The following EPB41L4A variants were observed in gnomAD, a reference collection of about 807,000 sequenced individuals.
EPB41L4A encodes the protein band 4.1-like protein 4A.
EPB41L4A carries 100 observed loss-of-function variants against 108.6 expected under a neutral mutation model. The observed-to-expected ratio is 0.92, with a 90% CI of 0.78 to 1.09. EPB41L4A has a LOEUF of 1.09. Ranked by LOEUF, EPB41L4A falls within the 50% of genes least tolerant of loss-of-function variation. The pLI is 0.00. For synonymous variants in EPB41L4A, 319 were observed against 289.0 expected (o/e 1.10, Z -1.05); for missense variants, 1,030 against 842.7 (o/e 1.22, Z -2.75).
At chr5:112,170,270 C>G (rs1199409162) in intron 20 of EPB41L4A, 31 bp downstream of exon 20, 2 of 1,600,990 alleles carry the variant, frequency 1.2e-6, no homozygotes, top group South Asian at 1.1e-5. Flanking sequence ...ACTAATAAAG[C>G]TTTGGTGAGA....
intron 9 of EPB41L4A, among the ~76,000 whole-genome samples, chr5:112,248,511 C>T (rs939530787): frequency 3.9e-5 from 6 of 152,104 alleles, no homozygotes; most frequent in Non-Finnish European, 7.4e-5. Flanking sequence ...ACTTCATAAA[C>T]GAATCAAGAT....
At chr5:112,370,341 T>C (rs1393776591) in intron 1 of EPB41L4A, among the ~76,000 whole-genome samples, 1 of 151,946 alleles carries the variant, frequency 6.6e-6, no homozygotes, top group African/African-American at 2.4e-5. Flanking sequence ...ATGACCAAAT[T>C]ACTCACTTTT....
intron 12 of EPB41L4A, among the ~76,000 whole-genome samples, chr5:112,156,371 A>G (rs1476812114): frequency 6.6e-6 from 1 of 152,208 alleles, no homozygotes. Context: ...CAAGAAGGCC[A>G]GTGGTATAGC....
intron 1 of EPB41L4A, among the ~76,000 whole-genome samples, chr5:112,399,440 C>T (rs990733187): frequency 7.9e-5 from 12 of 152,180 alleles, no homozygotes; most frequent in African/African-American, 2.2e-4. Flanking sequence ...GTGTGTCAGC[C>T]GGCTTCATGG....
intron 18 of EPB41L4A, 72 bp from the exon 19 acceptor site, chr5:112,171,064 A>G: frequency 7.5e-7 from 1 of 1,336,974 alleles, no homozygotes; most frequent in Non-Finnish European, 1.1e-6. Context: ...TAACTTTAAT[A>G]GTTTTCAGAC....
At chr5:112,396,922 T>A (rs1024199731) in intron 1 of EPB41L4A, among the ~76,000 whole-genome samples, 1 of 152,234 alleles carries the variant, frequency 6.6e-6, no homozygotes, top group Admixed American at 6.5e-5. Context: ...ATATGATTTT[T>A]CTTTTCTTTG....
At chr5:112,351,714 T>C (rs573524585) in intron 1 of EPB41L4A, among the ~76,000 whole-genome samples, 6 of 152,164 alleles carry the variant, frequency 3.9e-5, no homozygotes, top group African/African-American at 1.4e-4. Flanking sequence ...TAGGCCTATA[T>C]CCCTGATGAA....
intron 12 of EPB41L4A, chr5:112,228,833 T>A: frequency 1.4e-6 from 1 of 713,998 alleles, no homozygotes; most frequent in Non-Finnish European, 1.7e-6. Flanking sequence ...ATGCTCTGGC[T>A]GCCTGCCCTG....
chr5:112,221,428 G>GT (rs1161716951), intron 12 of EPB41L4A, among the ~76,000 whole-genome samples: 1 of 152,210 alleles, frequency 6.6e-6, no homozygotes, highest in African/African-American at 2.4e-5. Context: ...TTTACCCATT[G>GT]TAAATTGATC....
chr5:112,251,824 G>A (rs369675371), intron 9 of EPB41L4A, among the ~76,000 whole-genome samples: 4 of 152,088 alleles, frequency 2.6e-5, no homozygotes, highest in South Asian at 2.1e-4. Context: ...GATTTCAAAC[G>A]AATACATGAG....
intron 1 of EPB41L4A, among the ~76,000 whole-genome samples, chr5:112,331,527 T>C (rs983035223): frequency 6.6e-6 from 1 of 152,204 alleles, no homozygotes; most frequent in African/African-American, 2.4e-5. Context: ...ACTGATACTT[T>C]GTATATAGCA....
intron 1 of EPB41L4A, among the ~76,000 whole-genome samples, chr5:112,375,056 A>G (rs1193072442): frequency 6.6e-6 from 1 of 152,202 alleles, no homozygotes; most frequent in Non-Finnish European, 1.5e-5. Flanking sequence ...ACCCCAGATC[A>G]GCAGGATCAG....
intron 18 of EPB41L4A, among the ~76,000 whole-genome samples, chr5:112,173,025 A>C (rs957306340): frequency 6.6e-6 from 1 of 152,184 alleles, no homozygotes; most frequent in African/African-American, 2.4e-5. Flanking sequence ...GTCTGTAGAC[A>C]ATGTCCCCTT....
chr5:112,245,504 C>T (rs879118986), intron 9 of EPB41L4A, among the ~76,000 whole-genome samples: 4 of 152,198 alleles, frequency 2.6e-5, no homozygotes, highest in East Asian at 1.9e-4. Flanking sequence ...AGCCAACATG[C>T]ACACATTACA....
At chr5:112,226,980 T>TG (rs1491220383) in intron 12 of EPB41L4A, among the ~76,000 whole-genome samples, 1 of 83,322 alleles carries the variant, frequency 1.2e-5, no homozygotes, top group East Asian at 2.7e-4. Flanking sequence ...TTTACCACAA[T>TG]GAAAAAAAAA....
Position 112,266,306 on chromosome 5 carries a change from C to A in EPB41L4A, c.360G>T (p.Lys120Asn). 6.2e-7 allele frequency: 1 copy of A among 1,606,648 alleles called. No homozygotes were observed. The highest frequency in any genetic ancestry group is 8.5e-7 in the Non-Finnish European group (1 of 1,176,762). Residue 120 changes from lysine to asparagine, a missense_variant, in exon 5 of 23, where the codon AAG (lysine) becomes AAT (asparagine). Physicochemically the swap from Lys to Asn is moderately conservative, Grantham distance 94. Transcript: ENST00000261486. ...ITRYQFFLQV[K>N]QDVLQGRLPC... Reference sequence around the variant, plus strand: ...GCAGACGGCCCTGAAGGACATCTTGCTTCACCTGCAAGAAAAACTGATATC... The same window carrying A: ...GCAGACGGCCCTGAAGGACATCTTGATTCACCTGCAAGAAAAACTGATATC...
At chr5:112,209,794 T>C in intron 13 of EPB41L4A, 98 bp downstream of exon 13, 1 of 665,826 alleles carries the variant, frequency 1.5e-6, no homozygotes, top group South Asian at 2.1e-5. Context: ...AAGTATTCAT[T>C]AATCATCAAA....
At chr5:112,284,684 A>G (rs1472319573) in intron 2 of EPB41L4A, among the ~76,000 whole-genome samples, 1 of 152,160 alleles carries the variant, frequency 6.6e-6, no homozygotes, top group African/African-American at 2.4e-5. Context: ...ACTGTATCCT[A>G]AACACTCCAT....
intron 13 of EPB41L4A, among the ~76,000 whole-genome samples, chr5:112,208,223 C>A: frequency 9.0e-6 from 1 of 111,142 alleles, no homozygotes; most frequent in Non-Finnish European, 1.7e-5. Context: ...TCCATCCTGG[C>A]AACAGAGGGA....
Sources: allele counts gnomAD v4.1 joint callset (sites outside exome capture counted in the v4.1 genomes callset), GRCh38; gene constraint gnomAD v4.1.1; transcripts MANE v1.5; gene names NCBI Gene and HGNC (gene_info 2026-07-23, HGNC 2026-07-21).